Variants in LMNTD1 observed in about 807,000 individuals in gnomAD.
LMNTD1 encodes lamin tail domain-containing protein 1.
LMNTD1 carries 35 observed loss-of-function variants against 50.9 expected under a neutral mutation model. The ratio of observed to expected loss-of-function variants is 0.69; its 90% CI spans 0.53 to 0.91. The LOEUF is 0.91. LMNTD1 is among the 40% of genes least tolerant of loss of function. The pLI is 0.00. For missense variants in LMNTD1, 470 were observed against 475.5 expected, an observed-to-expected ratio of 0.99 and a Z score of 0.11; for synonymous variants, 153 against 161.9, an observed-to-expected ratio of 0.94 and a Z score of 0.42.
At chr12:25,635,252 G>GAAAAAAAAAAAAAAAAAAAAAAAAAAAAA (rs61645838) in intron 1 of LMNTD1, among the ~76,000 whole-genome samples, 1 of 128,064 alleles carries the variant, frequency 7.8e-6, no homozygotes, top group Non-Finnish European at 1.6e-5. Flanking sequence ...AAAAAAAAAA[G>GAAAAAAAAAAAAAAAAAAAAAAAAAAAAA]AAAAAAAAAA....
At chr12:25,478,480 T>A (rs1938342854) in intron 9 of LMNTD1, among the ~76,000 whole-genome samples, 1 of 152,166 alleles carries the variant, frequency 6.6e-6, no homozygotes, top group East Asian at 1.9e-4. Flanking sequence ...AGTACAAGTG[T>A]ATACATGCAC....
intron 1 of LMNTD1, among the ~76,000 whole-genome samples, chr12:25,581,228 G>A (rs1340543179): frequency 6.6e-6 from 1 of 152,174 alleles, no homozygotes; most frequent in Non-Finnish European, 1.5e-5. Flanking sequence ...CTAGGGATAA[G>A]CTAAAGGCCC....
chr12:25,526,996 AGG>A, intron 4 of LMNTD1, 41 bp from the exon 5 acceptor site: 1 of 1,459,618 alleles, frequency 6.9e-7, no homozygotes, highest in Non-Finnish European at 9.4e-7. Flanking sequence ...GCCTTCAGAT[AGG>A]AGTGTCTTTG....
chr12:25,556,181 C>T (rs544543964), upstream of LMNTD1, among the ~76,000 whole-genome samples: 11 of 152,074 alleles, frequency 7.2e-5, no homozygotes, highest in East Asian at 7.7e-4. Context: ...CCATGTTGGC[C>T]GGGCTGGTCT....
chr12:25,527,673 T>TACACAC (rs1433172011), intron 4 of LMNTD1, among the ~76,000 whole-genome samples: 1 of 21,458 alleles, frequency 4.7e-5, no homozygotes, highest in Admixed American at 7.3e-4. Context: ...TATATATATA[T>TACACAC]ATATATATAC....
intron 4 of LMNTD1, among the ~76,000 whole-genome samples, chr12:25,540,682 C>A (rs1287680354): frequency 7.0e-6 from 1 of 143,312 alleles, no homozygotes; most frequent in African/African-American, 2.6e-5. Context: ...GGGATGCCCT[C>A]TCTCACCGCT....
chr12:25,527,666 A>ATATATATATAT (rs1941858508), intron 4 of LMNTD1, among the ~76,000 whole-genome samples: 4 of 20,892 alleles, frequency 1.9e-4, no homozygotes, highest in African/African-American at 4.6e-4. Context: ...ATATATATAT[A>ATATATATATAT]TATATATATA....
At chr12:25,586,918 C>G (rs1290563628) in intron 1 of LMNTD1, among the ~76,000 whole-genome samples, 3 of 152,168 alleles carry the variant, frequency 2.0e-5, no homozygotes, top group Non-Finnish European at 4.4e-5. Flanking sequence ...CCTTTGTGAC[C>G]TGACTTAAGA....
intron 1 of LMNTD1, among the ~76,000 whole-genome samples, chr12:25,598,365 A>G (rs1592088963): frequency 6.6e-6 from 1 of 152,074 alleles, no homozygotes; most frequent in African/African-American, 2.4e-5. Context: ...CAGTACTAAG[A>G]GGGACCTTTT....
At chr12:25,572,078 G>A (rs1024536821) in intron 1 of LMNTD1, among the ~76,000 whole-genome samples, 5 of 152,166 alleles carry the variant, frequency 3.3e-5, no homozygotes, top group African/African-American at 7.2e-5. Flanking sequence ...GTGCAAATCA[G>A]GGATCCTCCA....
At chr12:25,621,238 A>C (rs1412900245) in intron 1 of LMNTD1, among the ~76,000 whole-genome samples, 8 of 152,036 alleles carry the variant, frequency 5.3e-5, no homozygotes, top group Non-Finnish European at 7.4e-5. Flanking sequence ...ATTTAGAGAG[A>C]AAGAGAGACA....
At chr12:25,519,002 G>A (rs1196983198) in intron 7 of LMNTD1, 35 bp from the exon 8 acceptor site, 2 of 1,598,190 alleles carry the variant, frequency 1.3e-6, no homozygotes, top group African/African-American at 2.7e-5. Flanking sequence ...GAACTCAAAA[G>A]CCATTTTATG....
chr12:25,485,074 C>T (rs1011408614), intron 9 of LMNTD1, among the ~76,000 whole-genome samples: 8 of 150,866 alleles, frequency 5.3e-5, no homozygotes, highest in East Asian at 1.9e-4. Context: ...CCTGAGGAAT[C>T]GCCATACTGA....
intron 1 of LMNTD1, among the ~76,000 whole-genome samples, chr12:25,584,584 C>T (rs1247764975): frequency 6.6e-6 from 1 of 152,216 alleles, no homozygotes; most frequent in African/African-American, 2.4e-5. Context: ...CCAGGTCTCC[C>T]ATCTTGCAAA....
chr12:25,568,160 C>A (rs1406393517), intron 1 of LMNTD1, among the ~76,000 whole-genome samples: 1 of 152,184 alleles, frequency 6.6e-6, no homozygotes, highest in East Asian at 1.9e-4. Flanking sequence ...GAGCAAAGGT[C>A]ACCTTTGTTA....
intron 1 of LMNTD1, among the ~76,000 whole-genome samples, chr12:25,583,013 A>T (rs1335015572): frequency 7.1e-6 from 1 of 140,174 alleles, no homozygotes; most frequent in African/African-American, 2.8e-5. Flanking sequence ...ATGCCTGGAT[A>T]ATTTTTTTTT....
At chr12:25,616,510 C>T (rs1042636570) in intron 1 of LMNTD1, among the ~76,000 whole-genome samples, 1 of 152,006 alleles carries the variant, frequency 6.6e-6, no homozygotes, top group Non-Finnish European at 1.5e-5. Flanking sequence ...AGACAAGATT[C>T]AAGTTTGTCA....
intron 1 of LMNTD1, among the ~76,000 whole-genome samples, chr12:25,626,155 C>G (rs1489591711): frequency 1.3e-5 from 2 of 152,072 alleles, no homozygotes; most frequent in African/African-American, 2.4e-5. Flanking sequence ...AACAGCTATT[C>G]GATTAGCCTT....
In LMNTD1 at chr12:25,518,786, T is replaced by C. The variant is rs759120637; in HGVS notation, c.1189+9A>G. The C allele has an allele frequency of 1.2e-6, 2 of 1,613,858 alleles. No individual in the cohort carries two copies. Among genetic ancestry groups the C allele is most frequent in the South Asian group, 2.2e-5 (2 of 91,052 alleles). On this transcript the variant is annotated intron_variant, in intron 8 of 9. Transcript: ENST00000458174. ...ACTCTCCACTGGAACAAGCACTCTTTTAACTGACCTGAGGCTCGATTAGGT... is the reference window on the plus strand; with the variant it reads ...ACTCTCCACTGGAACAAGCACTCTTCTAACTGACCTGAGGCTCGATTAGGT...
Sources: gnomAD v4.1 joint callset for allele counts (sites outside exome capture counted in the v4.1 genomes callset) on GRCh38, gnomAD v4.1.1 for gene constraint, MANE v1.5 for transcripts, NCBI Gene and HGNC (gene_info 2026-07-23, HGNC 2026-07-21) for gene names.